The following ANKS1B variants were observed in gnomAD, a reference collection of about 807,000 sequenced individuals.
ANKS1B encodes the protein ankyrin repeat and sterile alpha motif domain containing 1B.
Under a neutral mutation model 148.3 loss-of-function variants are expected in ANKS1B, and 36 were observed. The ratio of observed to expected loss-of-function variants is 0.24; its 90% confidence interval spans 0.19 to 0.32. The LOEUF is 0.32. Among genes scored for constraint, ANKS1B ranks in the 10% least tolerant of loss-of-function variants. The pLI is 1.00. For synonymous variants in ANKS1B, 542 were observed against 560.8 expected, an observed-to-expected ratio of 0.97 and a Z score of 0.47; for missense variants, 1,157 against 1,542.6, an observed-to-expected ratio of 0.75 and a Z score of 4.19.
intron 22 of ANKS1B, among the ~76,000 whole-genome samples, chr12:98,788,348 A>G (rs1469682718): frequency 6.6e-6 from 1 of 152,184 alleles, no homozygotes; most frequent in East Asian, 1.9e-4. Context: ...ACTGGCTCAA[A>G]TTGCAAGCAT....
intron 9 of ANKS1B, among the ~76,000 whole-genome samples, chr12:99,618,803 C>A (rs1194888689): frequency 2.0e-5 from 3 of 152,102 alleles, no homozygotes; most frequent in African/African-American, 7.2e-5. Context: ...CGAGTGCATA[C>A]TAAGTCAAGC....
intron 1 of ANKS1B, among the ~76,000 whole-genome samples, chr12:99,867,238 T>C (rs1447856657): frequency 6.6e-6 from 1 of 152,208 alleles, no homozygotes; most frequent in Non-Finnish European, 1.5e-5. Flanking sequence ...AGAGCCATTA[T>C]GGCCTTACAT....
chr12:99,129,723 A>G (rs1484106824), intron 15 of ANKS1B, among the ~76,000 whole-genome samples: 1 of 152,218 alleles, frequency 6.6e-6, no homozygotes, highest in African/African-American at 2.4e-5. Context: ...ATGGAGATAA[A>G]CAAGGTAATA....
intron 8 of ANKS1B, among the ~76,000 whole-genome samples, chr12:99,674,800 T>C (rs1052151899): frequency 1.3e-5 from 2 of 151,940 alleles, no homozygotes; most frequent in Non-Finnish European, 3.0e-5. Context: ...AATTAACCCC[T>C]GTATTTGAAC....
At chr12:99,593,475 T>TGAACATTCTCTG (rs1275545711) in intron 9 of ANKS1B, among the ~76,000 whole-genome samples, 3 of 152,104 alleles carry the variant, frequency 2.0e-5, no homozygotes, top group Non-Finnish European at 4.4e-5. Context: ...TGGGTAGGCA[T>TGAACATTCTCTG]CAAGGAATGA....
intron 17 of ANKS1B, among the ~76,000 whole-genome samples, chr12:98,946,374 C>T (rs1454941614): frequency 6.6e-6 from 1 of 152,280 alleles, no homozygotes; most frequent in South Asian, 2.1e-4. Context: ...TTTGTTTAAT[C>T]CTGTTTGAGT....
At chr12:99,732,519 G>C (rs928554328) in intron 8 of ANKS1B, among the ~76,000 whole-genome samples, 1 of 152,084 alleles carries the variant, frequency 6.6e-6, no homozygotes, top group Non-Finnish European at 1.5e-5. Flanking sequence ...GATTCTATTT[G>C]TATGAAATTC....
chr12:98,894,558 GCAC>G, intron 17 of ANKS1B: 3 of 984,138 alleles, frequency 3.0e-6, no homozygotes, highest in Non-Finnish European at 3.6e-6. Flanking sequence ...CCCGGCTGCG[GCAC>G]CACTTCTTGG....
chr12:99,604,567 C>T (rs956308289), intron 9 of ANKS1B, among the ~76,000 whole-genome samples: 2 of 151,902 alleles, frequency 1.3e-5, no homozygotes, highest in African/African-American at 4.8e-5. Flanking sequence ...GTAATGCCAG[C>T]ACTTTGGGAG....
intron 14 of ANKS1B, among the ~76,000 whole-genome samples, chr12:99,184,325 A>G (rs1386282687): frequency 1.3e-5 from 2 of 152,236 alleles, no homozygotes; most frequent in African/African-American, 2.4e-5. Flanking sequence ...TAGAGGAGAG[A>G]TAAGAAGGTT....
intron 14 of ANKS1B, among the ~76,000 whole-genome samples, chr12:99,218,371 G>C (rs2246683): frequency 1.3e-5 from 2 of 151,972 alleles, no homozygotes; most frequent in African/African-American, 4.8e-5. Flanking sequence ...ATCTGATTAC[G>C]AATTCATAGA....
At chr12:98,753,343 G>C (rs1049294460) in intron 25 of ANKS1B, among the ~76,000 whole-genome samples, 4 of 152,230 alleles carry the variant, frequency 2.6e-5, no homozygotes, top group African/African-American at 9.6e-5. Context: ...CAGAGCATCA[G>C]AGAAGCAGAT....
intron 22 of ANKS1B, among the ~76,000 whole-genome samples, chr12:98,786,441 G>T (rs149942120): frequency 1.3e-5 from 2 of 152,202 alleles, no homozygotes; most frequent in Non-Finnish European, 2.9e-5. Flanking sequence ...AAAAAGAAGA[G>T]ATTTTGAAAT....
intron 12 of ANKS1B, among the ~76,000 whole-genome samples, chr12:99,270,963 C>G (rs1405775199): frequency 6.6e-6 from 1 of 151,984 alleles, no homozygotes; most frequent in African/African-American, 2.4e-5. Context: ...AGTTATAATC[C>G]ATTTACAGAC....
chr12:99,636,253 G>C (rs534186285), intron 9 of ANKS1B, among the ~76,000 whole-genome samples: 178 of 152,196 alleles, frequency 1.2e-3, no homozygotes, highest in Non-Finnish European at 2.1e-3. Context: ...TGAACACCAA[G>C]TTAGTAAATA....
At chr12:99,577,465 G>C (rs920145999) in intron 9 of ANKS1B, among the ~76,000 whole-genome samples, 1 of 151,042 alleles carries the variant, frequency 6.6e-6, no homozygotes, top group Admixed American at 6.6e-5. Flanking sequence ...AAATAAATAA[G>C]ATCAATAGAC....
intron 9 of ANKS1B, among the ~76,000 whole-genome samples, chr12:99,619,958 A>G (rs1225115589): frequency 6.6e-6 from 1 of 152,148 alleles, no homozygotes; most frequent in Non-Finnish European, 1.5e-5. Context: ...CACTCCACAC[A>G]TTCACCCATT....
At chr12:99,703,191 G>A (rs1327957339) in intron 8 of ANKS1B, among the ~76,000 whole-genome samples, 1 of 151,880 alleles carries the variant, frequency 6.6e-6, no homozygotes, top group Non-Finnish European at 1.5e-5. Flanking sequence ...ATTCTGATTG[G>A]CCTGACTTGA....
chr12:99,093,738 A>G (rs1279591375), intron 15 of ANKS1B: 1 of 152,216 alleles, frequency 6.6e-6, no homozygotes, highest in Non-Finnish European at 1.5e-5. Context: ...TTAATTCTTC[A>G]AAGATATGGT....
Sources: gnomAD v4.1 joint callset for allele counts (sites outside exome capture counted in the v4.1 genomes callset) on GRCh38, gnomAD v4.1.1 for gene constraint, MANE v1.5 for transcripts, NCBI Gene and HGNC (gene_info 2026-07-23, HGNC 2026-07-21) for gene names.